The following ZNF609 variants were observed in gnomAD, a reference collection of about 807,000 sequenced individuals.
ZNF609 encodes zinc finger protein 609.
A neutral mutation model predicts 109.5 loss-of-function variants in ZNF609; 11 were observed. The ratio of observed to expected loss-of-function variants is 0.10; its 90% CI spans 0.06 to 0.17. ZNF609 has a LOEUF of 0.17. Among genes scored for constraint, ZNF609 ranks in the 10% least tolerant of loss-of-function variants. The pLI, the probability that ZNF609 is intolerant of heterozygous loss-of-function variation, is 1.00. For missense variants in ZNF609, 1,559 were observed against 1,772.4 expected, an observed-to-expected ratio of 0.88 and a Z score of 2.16; for synonymous variants, 646 against 662.0, an observed-to-expected ratio of 0.98 and a Z score of 0.37.
chr15:64,548,932 T>A (rs2140390265), intron 2 of ZNF609, among the ~76,000 whole-genome samples: 1 of 152,292 alleles, frequency 6.6e-6, no homozygotes, highest in Non-Finnish European at 1.5e-5. Context: ...TCTGTTCATG[T>A]AGTGGTAATG....
At chr15:64,600,698 G>T in intron 2 of ZNF609, among the ~76,000 whole-genome samples, 1 of 132,970 alleles carries the variant, frequency 7.5e-6, no homozygotes, top group Non-Finnish European at 1.6e-5. Flanking sequence ...AGGGAGGGAG[G>T]GAGGAAGGAA....
chr15:64,481,025 C>T (rs1452351994), intron 1 of ZNF609, among the ~76,000 whole-genome samples: 1 of 152,134 alleles, frequency 6.6e-6, no homozygotes, highest in Non-Finnish European at 1.5e-5. Context: ...GTAGGTCAGG[C>T]ATTATTTCAT....
At chr15:64,676,440 A>AT (rs111824351) in intron 5 of ZNF609, among the ~76,000 whole-genome samples, 184 bp downstream of exon 5, 2 of 151,630 alleles carry the variant, frequency 1.3e-5, no homozygotes, top group Non-Finnish European at 2.9e-5. Flanking sequence ...TAGTATTATT[A>AT]TTTTTTTTGA....
At chr15:64,564,409 G>A (rs949901125) in intron 2 of ZNF609, among the ~76,000 whole-genome samples, 2 of 152,108 alleles carry the variant, frequency 1.3e-5, no homozygotes, top group African/African-American at 4.8e-5. Context: ...CATAAGATGA[G>A]CTGTAAGTAT....
intron 2 of ZNF609, among the ~76,000 whole-genome samples, chr15:64,530,271 A>G (rs941850940): frequency 3.3e-5 from 5 of 152,028 alleles, no homozygotes; most frequent in Non-Finnish European, 5.9e-5. Context: ...TTGCCTCTCA[A>G]AGTGCTGGGA....
chr15:64,674,175 A>G lies in ZNF609; in HGVS notation c.1321A>G (p.Lys441Glu). ...CAGCCCTTCCTCAGCTAATAAGCGG[A>G]AAAACAAACCCCTTTCAGACATGGA... Reference protein sequence around the residue: ...KASPSSANKRKNKPLSDMELN... With the variant: ...KASPSSANKRENKPLSDMELN... The change falls in exon 5 of 10, where the codon AAA becomes GAA. Residue 441 changes from lysine to glutamate, a missense_variant. Physicochemically the swap from Lys to Glu is moderately conservative, Grantham distance 56 (BLOSUM62 1). Transcript: ENST00000326648. The G allele has an allele frequency of 6.2e-7, 1 of 1,614,174 alleles. No individual in the cohort carries two copies. The highest frequency in any genetic ancestry group is 8.5e-7 in the Non-Finnish European group (1 of 1,180,024).
At chr15:64,522,935 A>C (rs1201594491) in intron 2 of ZNF609, among the ~76,000 whole-genome samples, 1 of 151,670 alleles carries the variant, frequency 6.6e-6, no homozygotes, top group Non-Finnish European at 1.5e-5. Flanking sequence ...CGATGTTTAC[A>C]TAGATGTTTA....
intron 2 of ZNF609, among the ~76,000 whole-genome samples, chr15:64,562,872 AGTGTGTGTGTGTGTGTGT>A (rs6145601): frequency 2.0e-5 from 3 of 148,978 alleles, no homozygotes; most frequent in East Asian, 2.0e-4. Context: ...GGTAAGCGTG[AGTGTGTGTGTGTGTGTGT>A]GTGTGTGTGT....
chr15:64,525,032 T>C (rs1002221107), intron 2 of ZNF609, among the ~76,000 whole-genome samples: 1 of 152,216 alleles, frequency 6.6e-6, no homozygotes, highest in African/African-American at 2.4e-5. Flanking sequence ...TGTAAAGTGG[T>C]ATCTTGTGGT....
intron 2 of ZNF609, among the ~76,000 whole-genome samples, chr15:64,596,815 A>G (rs561107195): frequency 6.6e-6 from 1 of 152,318 alleles, no homozygotes; most frequent in African/African-American, 2.4e-5. Context: ...AACATTAAAA[A>G]GCACTATTTG....
At chr15:64,585,721 G>C (rs1326857197) in intron 2 of ZNF609, among the ~76,000 whole-genome samples, 1 of 152,164 alleles carries the variant, frequency 6.6e-6, no homozygotes, top group Non-Finnish European at 1.5e-5. Flanking sequence ...TCCAAACTCA[G>C]ATTCAAGCAT....
intron 1 of ZNF609, among the ~76,000 whole-genome samples, chr15:64,477,637 TC>T (rs1443135379): frequency 1.3e-5 from 2 of 150,992 alleles, no homozygotes; most frequent in Non-Finnish European, 3.0e-5. Context: ...TTTTTTTTTT[TC>T]TTTTTTTTGA....
At chr15:64,652,104 A>C (rs973424254) in intron 3 of ZNF609, among the ~76,000 whole-genome samples, 1 of 152,104 alleles carries the variant, frequency 6.6e-6, no homozygotes, top group African/African-American at 2.4e-5. Context: ...CAGTGGTGCA[A>C]TCGCAGCTCA....
chr15:64,582,964 G>A (rs1048605632), intron 2 of ZNF609, among the ~76,000 whole-genome samples: 1 of 150,836 alleles, frequency 6.6e-6, no homozygotes, highest in Admixed American at 6.6e-5. Flanking sequence ...TGTTAGCCAG[G>A]ATAGTCTCGA....
At chr15:64,479,706 G>C (rs1345305332) in intron 1 of ZNF609, among the ~76,000 whole-genome samples, 1 of 152,010 alleles carries the variant, frequency 6.6e-6, no homozygotes, top group Admixed American at 6.5e-5. Flanking sequence ...ATCACTTGAG[G>C]TCAGGAGTTC....
intron 3 of ZNF609, among the ~76,000 whole-genome samples, chr15:64,638,551 G>A (rs1000646746): frequency 6.6e-6 from 1 of 151,970 alleles, no homozygotes; most frequent in African/African-American, 2.4e-5. Context: ...GAATTGGGGG[G>A]AGGGGGGATC....
chr15:64,626,504 C>G (rs554915127), intron 3 of ZNF609, among the ~76,000 whole-genome samples: 12 of 151,916 alleles, frequency 7.9e-5, no homozygotes, highest in Non-Finnish European at 1.3e-4. Context: ...GTCTCTTTGT[C>G]CAGCAAACTA....
chr15:64,487,432 G>A (rs1893347883), intron 1 of ZNF609, among the ~76,000 whole-genome samples: 1 of 152,084 alleles, frequency 6.6e-6, no homozygotes, highest in South Asian at 2.1e-4. Flanking sequence ...CACGAATCTT[G>A]TGCACAACTC....
chr15:64,517,045 G>A (rs1053452214), intron 2 of ZNF609, among the ~76,000 whole-genome samples: 1 of 152,100 alleles, frequency 6.6e-6, no homozygotes. Flanking sequence ...CGAGTTTTAA[G>A]CTTCTTGCTT....
Sources: allele counts gnomAD v4.1 joint callset (sites outside exome capture counted in the v4.1 genomes callset), GRCh38; gene constraint gnomAD v4.1.1; transcripts MANE v1.5; gene names NCBI Gene and HGNC (gene_info 2026-07-23, HGNC 2026-07-21).